MARCHF1: variants seen among roughly 807,000 people sequenced by gnomAD.
MARCHF1 encodes the protein membrane associated ring-CH-type finger 1, also known as E3 ubiquitin-protein ligase MARCHF1.
In MARCHF1, 40 loss-of-function variants were observed where a neutral mutation model predicts 54.2. The observed-to-expected ratio is 0.74, with a 90% CI of 0.57 to 0.96. The LOEUF is 0.96. Ranked by LOEUF, MARCHF1 falls within the 40% of genes least tolerant of loss-of-function variation. The pLI is 0.00. For synonymous variants in MARCHF1, 236 were observed against 236.3 expected, an observed-to-expected ratio of 1.00 and a Z score of 0.01; for missense variants, 586 against 656.5, an observed-to-expected ratio of 0.89 and a Z score of 1.17.
At chr4:164,313,284 G>C (rs1262840339) in intron 1 of MARCHF1, among the ~76,000 whole-genome samples, 3 of 146,618 alleles carry the variant, frequency 2.0e-5, no homozygotes, top group Non-Finnish European at 4.4e-5. Flanking sequence ...GGGAGGCAGA[G>C]CATCAAGTGA....
chr4:163,904,763 A>AGAGAG (rs374872263), intron 3 of MARCHF1, among the ~76,000 whole-genome samples: 1 of 151,466 alleles, frequency 6.6e-6, no homozygotes, highest in African/African-American at 2.4e-5. Context: ...AGGAGAGAGA[A>AGAGAG]AGAGACAGAG....
chr4:164,209,769 T>A (rs1579625567), intron 1 of MARCHF1, among the ~76,000 whole-genome samples: 1 of 152,314 alleles, frequency 6.6e-6, no homozygotes, highest in Non-Finnish European at 1.5e-5. Flanking sequence ...CATGCATTTG[T>A]ATAATTGGAA....
chr4:164,332,126 G>A (rs181847964), intron 1 of MARCHF1, among the ~76,000 whole-genome samples: 28 of 152,188 alleles, frequency 1.8e-4, no homozygotes, highest in Admixed American at 5.9e-4. Context: ...TAATAAGTAT[G>A]CAAACAGAAA....
intron 2 of MARCHF1, among the ~76,000 whole-genome samples, chr4:164,001,850 C>A (rs1157333986): frequency 2.0e-5 from 3 of 151,742 alleles, no homozygotes; most frequent in Admixed American, 6.6e-5. Flanking sequence ...CACTAATTTG[C>A]AAGGTTATGA....
chr4:163,735,085 C>A (rs1745994901), intron 4 of MARCHF1, among the ~76,000 whole-genome samples: 1 of 152,126 alleles, frequency 6.6e-6, no homozygotes, highest in South Asian at 2.1e-4. Flanking sequence ...ACTGCATAAA[C>A]CTTCCCTACG....
At chr4:163,818,967 A>C (rs992800144) in intron 4 of MARCHF1, among the ~76,000 whole-genome samples, 1 of 152,078 alleles carries the variant, frequency 6.6e-6, no homozygotes, top group Non-Finnish European at 1.5e-5. Context: ...CACCAGGCTC[A>C]CGGTCTTCTT....
At chr4:163,540,004 C>T (rs1291796661) in intron 9 of MARCHF1, among the ~76,000 whole-genome samples, 3 of 152,144 alleles carry the variant, frequency 2.0e-5, no homozygotes, top group African/African-American at 4.8e-5. Context: ...TGTAACATCT[C>T]ACTTTTGTAT....
intron 3 of MARCHF1, among the ~76,000 whole-genome samples, chr4:163,958,179 C>A (rs549415737): frequency 2.6e-5 from 4 of 151,894 alleles, no homozygotes; most frequent in Non-Finnish European, 5.9e-5. Context: ...CCTTCTCTGA[C>A]AGCTATAATT....
At chr4:164,142,388 G>C (rs549831808) in intron 1 of MARCHF1, among the ~76,000 whole-genome samples, 2 of 152,262 alleles carry the variant, frequency 1.3e-5, no homozygotes, top group Non-Finnish European at 2.9e-5. Flanking sequence ...CAAACAAAAA[G>C]ACAGCAGTAA....
rs1488173593 is a variant in MARCHF1, at chr4:164,176,939, GCGCTCTCTCTCTCTCT to G, written c.-322-65293_-322-65278del. Among the ~76,000 whole-genome samples the G allele has an allele frequency of 1.3e-3, 68 of 53,674 alleles. 2 individuals are homozygous for G. The highest frequency in any genetic ancestry group is 3.8e-3 in the African/African-American group (62 of 16,360). 35.2% of individuals were successfully genotyped at this position (53,674 alleles called of 152,430 possible). ...TTTGTTATTTATCTGAGTACCTTGT[GCGCTCTCTCTCTCTCT>G]CTCTCTCTCTCTCTCTCTCTCTCTC... On this transcript the variant is annotated intron_variant, in intron 1 of 9. Coordinates refer to ENST00000514618, the MANE Select transcript of MARCHF1 (RefSeq NM_001394959.1).
chr4:164,025,868 A>G (rs1753757326), intron 2 of MARCHF1, among the ~76,000 whole-genome samples: 1 of 152,094 alleles, frequency 6.6e-6, no homozygotes, highest in South Asian at 2.1e-4. Context: ...AATAAGTGCA[A>G]TGAAAAATGG....
At chr4:164,131,996 C>T (rs1342123823) in intron 1 of MARCHF1, among the ~76,000 whole-genome samples, 1 of 152,082 alleles carries the variant, frequency 6.6e-6, no homozygotes, top group African/African-American at 2.4e-5. Flanking sequence ...TGAATTACTA[C>T]TTGAAAAGTA....
intron 9 of MARCHF1, among the ~76,000 whole-genome samples, chr4:163,537,336 A>G (rs1007482101): frequency 6.6e-6 from 1 of 152,236 alleles, no homozygotes; most frequent in African/African-American, 2.4e-5. Flanking sequence ...AAGAATGTAC[A>G]CCACAAAAAA....
At chr4:163,926,262 G>A (rs1405445582) in intron 3 of MARCHF1, among the ~76,000 whole-genome samples, 1 of 151,632 alleles carries the variant, frequency 6.6e-6, no homozygotes, top group Non-Finnish European at 1.5e-5. Context: ...TTATGTAGAT[G>A]TTAGTGACTG....
intron 1 of MARCHF1, among the ~76,000 whole-genome samples, chr4:164,376,631 C>T (rs940566692): frequency 5.3e-5 from 8 of 152,122 alleles, no homozygotes; most frequent in Admixed American, 2.6e-4. Context: ...CTGCAGAGTG[C>T]GTCTCGGAAC....
At chr4:163,660,602 T>A (rs550141846) in intron 5 of MARCHF1, among the ~76,000 whole-genome samples, 8 of 152,088 alleles carry the variant, frequency 5.3e-5, no homozygotes, top group Admixed American at 5.2e-4. Flanking sequence ...TGTTTGACTT[T>A]CAAAAAGTTG....
intron 2 of MARCHF1, among the ~76,000 whole-genome samples, chr4:164,026,263 T>C (rs1473297183): frequency 6.6e-6 from 1 of 151,948 alleles, no homozygotes; most frequent in Non-Finnish European, 1.5e-5. Flanking sequence ...GATACCAAAA[T>C]CTGGCAGAGA....
chr4:164,309,968 A>T (rs1734803071), intron 1 of MARCHF1, among the ~76,000 whole-genome samples: 1 of 152,142 alleles, frequency 6.6e-6, no homozygotes, highest in Non-Finnish European at 1.5e-5. Context: ...ATTGTCTTTC[A>T]CAACAAATCA....
intron 4 of MARCHF1, among the ~76,000 whole-genome samples, chr4:163,718,848 T>G (rs189130804): frequency 6.6e-6 from 1 of 152,330 alleles, no homozygotes; most frequent in African/African-American, 2.4e-5. Context: ...GACTCTTCTC[T>G]GATATTGTTC....
Sources: gnomAD v4.1 joint callset for allele counts (sites outside exome capture counted in the v4.1 genomes callset) on GRCh38, gnomAD v4.1.1 for gene constraint, MANE v1.5 for transcripts, NCBI Gene and HGNC (gene_info 2026-07-23, HGNC 2026-07-21) for gene names.